SYN3: variants seen among roughly 807,000 people sequenced by gnomAD.
SYN3 encodes synapsin-3.
In SYN3, 35 loss-of-function variants were observed where a neutral mutation model predicts 65.8. That is an observed-to-expected ratio of 0.53 (90% confidence interval 0.41 to 0.70). The LOEUF (loss-of-function observed/expected upper bound fraction) is 0.70, where lower values mean the gene tolerates loss of function less well. SYN3 is among the 30% of genes least tolerant of loss of function. The probability of loss-of-function intolerance (pLI) is 0.00; values close to 1 mark genes in which losing one functional copy is unlikely to be tolerated. For missense variants in SYN3, 680 were observed against 749.0 expected, an observed-to-expected ratio of 0.91 and a Z score of 1.08; for synonymous variants, 270 against 292.9, an observed-to-expected ratio of 0.92 and a Z score of 0.80.
At chr22:32,961,300 G>A (rs148351106) in intron 3 of SYN3, among the ~76,000 whole-genome samples, 10 of 152,182 alleles carry the variant, frequency 6.6e-5, no homozygotes, top group South Asian at 2.1e-4. Flanking sequence ...TAGGCTAAGC[G>A]TATCTTCCTC....
At chr22:33,007,197 G>A (rs895300450) in intron 1 of SYN3, among the ~76,000 whole-genome samples, 6 of 152,070 alleles carry the variant, frequency 3.9e-5, no homozygotes, top group African/African-American at 1.4e-4. Flanking sequence ...CCTGAAGAAC[G>A]GATTTTGGTA....
rs377663421 is a variant in SYN3, at chr22:32,807,371, T to A, written c.711+57544A>T. Among the ~76,000 whole-genome samples, 358 of 111,196 alleles carry A rather than the reference T, an allele frequency of 3.2e-3. 3 individuals are homozygous for A. The highest frequency in any genetic ancestry group is 5.3e-3 in the Non-Finnish European group (307 of 58,472). 72.9% of individuals were successfully genotyped at this position (111,196 alleles called of 152,430 possible). ...TAAATATATAATATATAATATATAT[T>A]ATATATAATATATATTATATATAAT... On this transcript the variant is annotated intron_variant, in intron 6 of 13. Transcript: ENST00000358763.
At chr22:33,034,577 C>T (rs1358620878) in intron 1 of SYN3, among the ~76,000 whole-genome samples, 2 of 152,032 alleles carry the variant, frequency 1.3e-5, no homozygotes. Context: ...ACTCACTTCA[C>T]CCTCTCTCCA....
chr22:32,708,098 A>G (rs2060904281), intron 6 of SYN3, among the ~76,000 whole-genome samples: 1 of 152,236 alleles, frequency 6.6e-6, no homozygotes, highest in South Asian at 2.1e-4. Flanking sequence ...TATGAATAAG[A>G]GCCAATTACA....
At chr22:32,846,349 C>G (rs1180842841) in intron 6 of SYN3, among the ~76,000 whole-genome samples, 1 of 152,206 alleles carries the variant, frequency 6.6e-6, no homozygotes, top group Admixed American at 6.5e-5. Flanking sequence ...TATGAGGTTG[C>G]CTTTCTTCTC....
At chr22:32,963,778 A>T (rs1212926487) in intron 3 of SYN3, among the ~76,000 whole-genome samples, 1 of 152,148 alleles carries the variant, frequency 6.6e-6, no homozygotes, top group Non-Finnish European at 1.5e-5. Context: ...TTCATCCCAT[A>T]GACATTGAGG....
intron 4 of SYN3, among the ~76,000 whole-genome samples, chr22:32,928,212 C>T (rs1037462514): frequency 1.3e-5 from 2 of 152,068 alleles, no homozygotes; most frequent in African/African-American, 4.8e-5. Flanking sequence ...CGCCTGTAGT[C>T]CCAGCTACTT....
intron 4 of SYN3, among the ~76,000 whole-genome samples, chr22:32,898,107 T>C (rs965149634): frequency 2.6e-5 from 4 of 152,196 alleles, no homozygotes; most frequent in Non-Finnish European, 5.9e-5. Flanking sequence ...GCGATTCTCC[T>C]GCCTCAGCTT....
At chr22:32,642,408 C>CT (rs140278374) in intron 6 of SYN3, among the ~76,000 whole-genome samples, 42,564 of 151,722 alleles carry the variant, frequency 0.28, 6,434 homozygotes, top group African/African-American at 0.37. Flanking sequence ...CTACCCCAAA[C>CT]TTTTTTATTT....
chr22:32,824,885 T>C (rs1186386347), intron 6 of SYN3, among the ~76,000 whole-genome samples: 1 of 152,194 alleles, frequency 6.6e-6, no homozygotes, highest in Non-Finnish European at 1.5e-5. Context: ...ACCAGAGTAC[T>C]TTTATAAGAA....
intron 1 of SYN3, among the ~76,000 whole-genome samples, chr22:33,032,182 C>T (rs2053766313): frequency 6.6e-6 from 1 of 150,944 alleles, no homozygotes; most frequent in Non-Finnish European, 1.5e-5. Context: ...TGTACTCTAA[C>T]CTGGGTGACA....
At chr22:32,580,184 T>C (rs1335905505) in intron 7 of SYN3, among the ~76,000 whole-genome samples, 1 of 152,260 alleles carries the variant, frequency 6.6e-6, no homozygotes, top group Non-Finnish European at 1.5e-5. Context: ...ACCTAGATCA[T>C]GCGTCAACAA....
chr22:32,556,813 T>G lies in SYN3; in HGVS notation c.775-15100A>C, dbSNP rs867361505. ...ATCTATAGGTTTCCTGGTTTTTTTT[T>G]TTTTTTTTTTTTTTTTTTTTTTGTG... On this transcript the variant is annotated intron_variant, in intron 7 of 13. Coordinates refer to ENST00000358763, the MANE Select transcript of SYN3 (RefSeq NM_003490.4). Among the ~76,000 whole-genome samples the G allele has an allele frequency of 4.1e-4, 46 of 112,338 alleles. 4 individuals carry two copies. The highest frequency in any genetic ancestry group is 1.1e-3 in the African/African-American group (33 of 29,976). The allele number at this position is 112,338 out of a possible 152,430, so 73.7% of individuals were successfully genotyped here.
chr22:32,623,750 A>G (rs957459173), intron 6 of SYN3, among the ~76,000 whole-genome samples: 1 of 152,176 alleles, frequency 6.6e-6, no homozygotes, highest in African/African-American at 2.4e-5. Flanking sequence ...TCTTCATAGG[A>G]CTTATTCAAA....
intron 4 of SYN3, among the ~76,000 whole-genome samples, chr22:32,929,506 T>A (rs954550443): frequency 6.6e-6 from 1 of 152,224 alleles, no homozygotes; most frequent in Non-Finnish European, 1.5e-5. Context: ...TACAAAAAAA[T>A]TATTTGAAGG....
At chr22:32,589,819 G>C (rs1156941759) in intron 7 of SYN3, among the ~76,000 whole-genome samples, 3 of 151,996 alleles carry the variant, frequency 2.0e-5, no homozygotes, top group Non-Finnish European at 4.4e-5. Context: ...TCCACTACTT[G>C]GTTCATTCTT....
intron 6 of SYN3, among the ~76,000 whole-genome samples, chr22:32,655,520 T>C (rs545714596): frequency 6.6e-6 from 1 of 152,270 alleles, no homozygotes; most frequent in African/African-American, 2.4e-5. Flanking sequence ...AGCCCATTTA[T>C]ACCCCATTGC....
chr22:33,045,610 C>T (rs905660568), intron 1 of SYN3, among the ~76,000 whole-genome samples: 18 of 151,726 alleles, frequency 1.2e-4, no homozygotes, highest in African/African-American at 2.7e-4. Context: ...TACAGGCGCC[C>T]GCCACTACAC....
At chr22:32,885,641 A>G (rs1390703548) in intron 4 of SYN3, among the ~76,000 whole-genome samples, 1 of 151,532 alleles carries the variant, frequency 6.6e-6, no homozygotes, top group Non-Finnish European at 1.5e-5. Flanking sequence ...GCTCACCACA[A>G]TCTCCACCTC....
Sources: allele counts gnomAD v4.1 joint callset (sites outside exome capture counted in the v4.1 genomes callset), GRCh38; gene constraint gnomAD v4.1.1; transcripts MANE v1.5; gene names NCBI Gene and HGNC (gene_info 2026-07-23, HGNC 2026-07-21).